SLC22A15: variants seen among roughly 807,000 people sequenced by gnomAD.
SLC22A15 encodes the protein flipt 1.
Under a neutral mutation model 62.7 loss-of-function variants are expected in SLC22A15, and 45 were observed. The observed-to-expected ratio is 0.72, with a 90% CI of 0.56 to 0.92. SLC22A15 has a LOEUF of 0.92. Among genes scored for constraint, SLC22A15 ranks in the 40% least tolerant of loss-of-function variants. SLC22A15 has a pLI of 0.00. For missense variants in SLC22A15, 622 were observed against 665.6 expected, an observed-to-expected ratio of 0.93 and a Z score of 0.72; for synonymous variants, 264 against 267.0, an observed-to-expected ratio of 0.99 and a Z score of 0.11.
chr1:116,058,818 C>T (rs1658300062), intron 8 of SLC22A15, among the ~76,000 whole-genome samples: 1 of 152,124 alleles, frequency 6.6e-6, no homozygotes. Context: ...TTTGCAGTGA[C>T]CTGGATGAGA....
At chr1:115,983,272 A>T (rs1654699361) in intron 1 of SLC22A15, among the ~76,000 whole-genome samples, 1 of 152,232 alleles carries the variant, frequency 6.6e-6, no homozygotes, top group Admixed American at 6.5e-5. Flanking sequence ...TTTTAAAATT[A>T]TGAGACATTT....
At chr1:116,031,629 G>A (rs371140069) in intron 6 of SLC22A15, 48 bp downstream of exon 6, 104 of 1,603,862 alleles carry the variant, frequency 6.5e-5, no homozygotes, top group Non-Finnish European at 8.7e-5. Flanking sequence ...AAGGTTGCTC[G>A]AGCTTCTCTT....
Position 116,066,667 on chromosome 1 carries a change from G to T in SLC22A15, c.1513G>T (p.Gly505Ter). ...TCAGGTGTATTCGTATCGCAGGCTG[G>T]GAGAAGAAGCATTATCTTTACAGGC... ...DLQVYSYRRL[G>*]EEALSLQALD... is the part of the protein sequence containing the mutation. The change falls in exon 11 of 12, where the codon GGA (glycine) becomes TGA (stop). Residue 505 changes from glycine (G) to a stop codon, truncating the protein, a stop_gained. Coordinates refer to ENST00000369503, the MANE Select transcript of SLC22A15 (RefSeq NM_018420.3). LOFTEE classifies it high-confidence loss of function. 1 of 1,612,876 alleles carries T rather than the reference G, an allele frequency of 6.2e-7. No individual in the cohort carries two copies. The highest frequency in any genetic ancestry group is 8.5e-7 in the Non-Finnish European group (1 of 1,179,580).
At chr1:116,027,927 AT>A (rs1657182798) in intron 5 of SLC22A15, among the ~76,000 whole-genome samples, 1 of 152,150 alleles carries the variant, frequency 6.6e-6, no homozygotes, top group Non-Finnish European at 1.5e-5. Flanking sequence ...GCCTGGCAGA[AT>A]TTTTTAAGTG....
chr1:116,035,273 G>A lies in SLC22A15; in HGVS notation c.1031G>A (p.Gly344Asp), dbSNP rs759881041. The A allele has an allele frequency of 6.2e-7, 1 of 1,613,264 alleles. No homozygotes were observed. The highest frequency in any genetic ancestry group is 1.1e-5 in the South Asian group (1 of 91,008). ...GSIYANLALS[G>D]LIEIPSYPLC... ...ATTTATGCCAACCTGGCCCTGTCTGGCCTCATAGAGATTCCATCTTACCCT... is the reference window on the plus strand; with the variant it reads ...ATTTATGCCAACCTGGCCCTGTCTGACCTCATAGAGATTCCATCTTACCCT... Residue 344 changes from glycine to aspartate, a missense_variant, in exon 7 of 12, where the codon GGC (glycine) becomes GAC (aspartate). Gly to Asp is a moderately conservative substitution (Grantham distance 94, BLOSUM62 -1). Coordinates refer to ENST00000369503, the MANE Select transcript of SLC22A15 (RefSeq NM_018420.3).
Position 116,067,573 on chromosome 1 carries a change from T to A in SLC22A15, c.*465T>A, listed in dbSNP as rs1658528131. On this transcript the variant is annotated 3_prime_UTR_variant, in exon 12 of 12. Transcript: ENST00000369503. ...TATCAGTTGCTCCTCAGGAATCTTC[T>A]GGTACAGGTTAACATCAGCATTTTC... The A allele has an allele frequency of 1.3e-5, 2 of 156,028 alleles. No homozygotes were observed. The highest frequency in any genetic ancestry group is 2.8e-5 in the Non-Finnish European group (2 of 70,626). The allele number at this position is 156,028 out of a possible 1,614,324, so 9.7% of individuals were successfully genotyped here. A position where few individuals can be genotyped will look rare whatever the true frequency, so the allele number is the denominator to read the frequency against.
intron 2 of SLC22A15, among the ~76,000 whole-genome samples, chr1:115,997,117 CTT>C (rs1187321452): frequency 5.9e-5 from 9 of 152,108 alleles, no homozygotes; most frequent in Non-Finnish European, 1.3e-4. Flanking sequence ...TATAGATACT[CTT>C]TATCAAATCG....
intron 2 of SLC22A15, among the ~76,000 whole-genome samples, chr1:115,992,644 C>T (rs1289227839): frequency 2.3e-5 from 3 of 129,544 alleles, no homozygotes; most frequent in African/African-American, 5.5e-5. Context: ...TTTTTTGAGA[C>T]GGAGTCTTGC....
intron 6 of SLC22A15, chr1:116,032,549 G>C (rs1359336843): frequency 2.7e-5 from 27 of 985,276 alleles, no homozygotes; most frequent in Non-Finnish European, 3.3e-5. Flanking sequence ...AAGCTGCAAA[G>C]ATATTTTTCT....
At chr1:116,005,787 G>A (rs1313796295) in intron 2 of SLC22A15, among the ~76,000 whole-genome samples, 1 of 152,108 alleles carries the variant, frequency 6.6e-6, no homozygotes, top group Admixed American at 6.6e-5. Flanking sequence ...AACCCTGTAG[G>A]TAGAGTACCT....
intron 2 of SLC22A15, among the ~76,000 whole-genome samples, chr1:116,012,218 G>A (rs1388906888): frequency 6.6e-6 from 1 of 152,080 alleles, no homozygotes; most frequent in Non-Finnish European, 1.5e-5. Flanking sequence ...AGGAAAAAAC[G>A]GAAGCAGACA....
intron 8 of SLC22A15, among the ~76,000 whole-genome samples, chr1:116,047,571 C>T (rs1657958239): frequency 6.6e-6 from 1 of 152,156 alleles, no homozygotes; most frequent in Non-Finnish European, 1.5e-5. Context: ...ATAGAGACAA[C>T]CCCCAGTTCC....
At chr1:116,047,483 C>G (rs1028459057) in intron 8 of SLC22A15, among the ~76,000 whole-genome samples, 2 of 152,144 alleles carry the variant, frequency 1.3e-5, no homozygotes, top group Admixed American at 1.3e-4. Context: ...TCCATTGCAC[C>G]CTCCTGGCAC....
chr1:115,978,352 T>A (rs1654423673), intron 1 of SLC22A15, among the ~76,000 whole-genome samples: 1 of 152,210 alleles, frequency 6.6e-6, no homozygotes, highest in African/African-American at 2.4e-5. Flanking sequence ...TCTAACTTAC[T>A]TTTATTTATG....
chr1:116,032,201 C>T (rs1471224116), intron 6 of SLC22A15: 9 of 985,434 alleles, frequency 9.1e-6, no homozygotes, highest in Non-Finnish European at 9.6e-6. Context: ...TTCCCACCTA[C>T]CTTTCAAAAT....
chr1:116,031,363 C>A lies in SLC22A15; in HGVS notation c.729-3C>A. 1 of 1,609,312 alleles carries A rather than the reference C, an allele frequency of 6.2e-7. No individual in the cohort carries two copies. Among genetic ancestry groups the A allele is most frequent in the East Asian group, 2.2e-5 (1 of 44,826 alleles). ...ATACAGGCTTTAATGACATCTCTTT[C>A]AGATTCATTCCTGAATCACCTCGTT... is the stretch of plus-strand genomic sequence containing the variant. On this transcript the variant is annotated splice_region_variant and splice_polypyrimidine_tract_variant and intron_variant, in intron 5 of 11. Transcript: ENST00000369503.
intron 2 of SLC22A15, among the ~76,000 whole-genome samples, chr1:116,018,626 C>CT (rs1426371356): frequency 6.6e-6 from 1 of 151,694 alleles, no homozygotes; most frequent in Non-Finnish European, 1.5e-5. Flanking sequence ...CAGCCTCTTC[C>CT]TTTTTATTTT....
intron 1 of SLC22A15, among the ~76,000 whole-genome samples, chr1:115,983,316 C>T (rs956447958): frequency 1.1e-4 from 17 of 152,058 alleles, no homozygotes; most frequent in African/African-American, 3.9e-4. Flanking sequence ...ATATGACAAA[C>T]GCACATGTAC....
At chr1:116,017,902 C>G (rs555361418) in intron 2 of SLC22A15, among the ~76,000 whole-genome samples, 2 of 152,286 alleles carry the variant, frequency 1.3e-5, no homozygotes, top group South Asian at 2.1e-4. Context: ...CATCACTAGA[C>G]AAGACTTGAG....
Sources: gnomAD v4.1 joint callset for allele counts (sites outside exome capture counted in the v4.1 genomes callset) on GRCh38, gnomAD v4.1.1 for gene constraint, MANE v1.5 for transcripts, NCBI Gene and HGNC (gene_info 2026-07-23, HGNC 2026-07-21) for gene names.